Variants in GANC observed in about 807,000 individuals in gnomAD.
GANC encodes the protein glucosidase alpha, neutral C, also known as neutral alpha-glucosidase C.
GANC carries 117 observed loss-of-function variants against 124.2 expected under a neutral mutation model. The observed-to-expected ratio is 0.94, with a 90% CI of 0.81 to 1.10. The LOEUF (loss-of-function observed/expected upper bound fraction) is 1.10. GANC is among the 50% of genes least tolerant of loss of function. GANC has a pLI of 0.00. For missense variants in GANC, 1,140 were observed against 1,095.0 expected, an observed-to-expected ratio of 1.04 and a Z score of -0.58; for synonymous variants, 377 against 376.8, an observed-to-expected ratio of 1.00 and a Z score of -0.01.
At chr15:42,283,553 A>G (rs1157575200) in intron 3 of GANC, 7 of 669,980 alleles carry the variant, frequency 1.0e-5, no homozygotes, top group African/African-American at 3.6e-5. Context: ...ATTGCTAATT[A>G]TGATGCTTTC....
chr15:42,339,884 G>A lies in GANC; in HGVS notation c.2059G>A (p.Ala687Thr). ...LPYWYSLFYH[A>T]HVASQPVMRP... Reference sequence around the variant, plus strand: ...ATATTGGTATTCTCTGTTCTACCATGCACACGTGGCTTCCCAACCTGTCAT... The same window carrying A: ...ATATTGGTATTCTCTGTTCTACCATACACACGTGGCTTCCCAACCTGTCAT... Residue 687 changes from alanine (A) to threonine (T), a missense_variant, in exon 17 of 24, where the codon GCA becomes ACA. By Grantham distance (58) the Ala-to-Thr change is moderately conservative (BLOSUM62 0). Transcript: ENST00000318010. 1 of 1,614,012 alleles carries A rather than the reference G, an allele frequency of 6.2e-7. No homozygotes were observed. The highest frequency in any genetic ancestry group is 8.5e-7 in the Non-Finnish European group (1 of 1,179,924).
intron 6 of GANC, 83 bp from the exon 7 acceptor site, chr15:42,306,460 AAAT>A: frequency 9.3e-7 from 1 of 1,080,952 alleles, no homozygotes; most frequent in South Asian, 1.5e-5. Flanking sequence ...TCTTTTAAAA[AAAT>A]AATCCAAATA....
Position 42,287,591 on chromosome 15 carries a change from T to A in GANC, c.202-100T>A, listed in dbSNP as rs74417204. On this transcript the variant is annotated intron_variant, in intron 3 of 23. Coordinates refer to ENST00000318010, the MANE Select transcript of GANC (RefSeq NM_198141.3). ...ATTGTTCTCCAATTTGCTTGGCCTA[T>A]CATAATTGAAACAAATACTTTCCTA... 2.0e-3 allele frequency: 2,620 copies of A among 1,311,146 alleles called. 2 individuals carry two copies. Among genetic ancestry groups the A allele is most frequent in the Non-Finnish European group, 2.4e-3 (2,286 of 954,590 alleles). The allele number at this position is 1,311,146 out of a possible 1,614,324, so 81.2% of individuals were successfully genotyped here. A position where few individuals can be genotyped will look rare whatever the true frequency, so the allele number is the denominator to read the frequency against.
chr15:42,327,560 T>A, intron 13 of GANC, 118 bp downstream of exon 13: 1 of 857,414 alleles, frequency 1.2e-6, no homozygotes, highest in Non-Finnish European at 1.9e-6. Context: ...AATGCTTTTA[T>A]TAAAAGGCAA....
chr15:42,278,329 GATTAGCACTTT>G (rs1470524934), intron 2 of GANC, among the ~76,000 whole-genome samples, 142 bp from the exon 3 acceptor site: 1 of 152,092 alleles, frequency 6.6e-6, no homozygotes, highest in Non-Finnish European at 1.5e-5. Context: ...TAAAGTTCCT[GATTAGCACTTT>G]ATTATAGTAC....
chr15:42,282,333 T>A (rs561292858), intron 3 of GANC, among the ~76,000 whole-genome samples: 157 of 151,696 alleles, frequency 1.0e-3, no homozygotes, highest in African/African-American at 3.5e-3. Context: ...AAAAAAAAAA[T>A]TTTTAATAAC....
At chr15:42,342,272 A>G in intron 18 of GANC, among the ~76,000 whole-genome samples, 1 of 152,194 alleles carries the variant, frequency 6.6e-6, no homozygotes, top group East Asian at 1.9e-4. Context: ...AGCAAATTTA[A>G]TAATCCAGAT....
rs368580993 is a variant in GANC, at chr15:42,340,647, G to A, written c.2088-43G>A. On this transcript the variant is annotated intron_variant, in intron 17 of 23. Coordinates refer to ENST00000318010, the MANE Select transcript of GANC (RefSeq NM_198141.3). The stretch of plus-strand genomic sequence containing the variant: ...AAATATAAGTGATTGATTGCAATAA[G>A]ATGTCTATAATGTTAAAACAATAAT... The A allele has an allele frequency of 2.6e-4, 351 of 1,345,796 alleles. 1 individual carries two copies. The Middle Eastern group carries it at 2.7e-3, about 10-fold the overall frequency. The allele number at this position is 1,345,796 out of a possible 1,614,324, so 83.4% of individuals were successfully genotyped here.
rs992759602 is a variant in GANC, at chr15:42,273,618, T to A, written c.-864T>A. On this transcript the variant is annotated 5_prime_UTR_variant, in exon 1 of 24. Transcript: ENST00000318010. ...GTCATCCTGTTGGAACCTGGTCAGC[T>A]GGGTTAGAGAGATCGCTACATGCCA... 4 of 705,762 alleles carry A rather than the reference T, an allele frequency of 5.7e-6. No individual in the cohort carries two copies. In the Admixed American group the frequency reaches 9.0e-5, roughly 16 times the overall value. The allele number at this position is 705,762 out of a possible 1,614,324, so 43.7% of individuals were successfully genotyped here. A position where few individuals can be genotyped will look rare whatever the true frequency, so the allele number is the denominator to read the frequency against.
At chr15:42,334,247 C>T (rs2141068477) in intron 15 of GANC, among the ~76,000 whole-genome samples, 1 of 151,882 alleles carries the variant, frequency 6.6e-6, no homozygotes, top group South Asian at 2.1e-4. Context: ...CTGCAACCTC[C>T]ACCTCCCGGG....
intron 3 of GANC, chr15:42,284,099 T>C: frequency 1.5e-6 from 1 of 655,750 alleles, no homozygotes; most frequent in South Asian, 1.7e-5. Context: ...AACAGTTCTT[T>C]ACATAACAGT....
Position 42,329,304 on chromosome 15 carries a change from A to G in GANC, c.1501-2A>G. 6 of 1,611,578 alleles carry G rather than the reference A, an allele frequency of 3.7e-6. No individual in the cohort carries two copies. The highest frequency in any genetic ancestry group is 2.7e-5 in the African/African-American group (2 of 74,948). On this transcript the variant is annotated splice_acceptor_variant, in intron 13 of 23. Transcript: ENST00000318010. LOFTEE classifies it high-confidence loss of function. ...GTGTCATGACCAAGGTTTACTTCCTAGGGATCTACGGACATCCTCTTCCTT... is the reference window on the plus strand; with the variant it reads ...GTGTCATGACCAAGGTTTACTTCCTGGGGATCTACGGACATCCTCTTCCTT...
intron 15 of GANC, among the ~76,000 whole-genome samples, chr15:42,338,124 G>A (rs1401049396): frequency 6.6e-6 from 1 of 151,574 alleles, no homozygotes; most frequent in African/African-American, 2.4e-5. Context: ...TTTTTCAAAG[G>A]GTTCCTCTAT....
At chr15:42,340,004 A>G in intron 17 of GANC, 92 bp downstream of exon 17, 6 of 1,448,852 alleles carry the variant, frequency 4.1e-6, no homozygotes, top group Non-Finnish European at 9.3e-7. Context: ...CAGTGATTTC[A>G]AGAGAAAGGT....
chr15:42,320,403 T>C (rs1176789661), intron 10 of GANC, among the ~76,000 whole-genome samples: 1 of 152,138 alleles, frequency 6.6e-6, no homozygotes, highest in Admixed American at 6.5e-5. Context: ...TTGGAGATCC[T>C]TTTCTGTTTC....
chr15:42,352,271 T>G lies in GANC; in HGVS notation c.*132T>G. 1.4e-6 allele frequency: 2 copies of G among 1,470,046 alleles called. No individual in the cohort carries two copies. The highest frequency in any genetic ancestry group is 1.8e-6 in the Non-Finnish European group (2 of 1,110,374). The allele number at this position is 1,470,046 out of a possible 1,614,324, so 91.1% of individuals were successfully genotyped here. On this transcript the variant is annotated 3_prime_UTR_variant, in exon 24 of 24. Transcript: ENST00000318010. ...CAAAATAATCTTTCATTCGTCACCA[T>G]TATACTAATGAACAATAGATTTCAT...
At chr15:42,343,026 T>G in intron 18 of GANC, 52 bp from the exon 19 acceptor site, 1 of 1,487,582 alleles carries the variant, frequency 6.7e-7, no homozygotes, top group Non-Finnish European at 9.4e-7. Context: ...AGAAAGGAGA[T>G]TTTTAGACCT....
At chr15:42,325,938 TG>T (rs1188152801) in intron 11 of GANC, among the ~76,000 whole-genome samples, 1 of 152,084 alleles carries the variant, frequency 6.6e-6, no homozygotes, top group African/African-American at 2.4e-5. Flanking sequence ...TAAATTTTTT[TG>T]TAGAGACAGT....
intron 14 of GANC, 159 bp downstream of exon 14, chr15:42,329,608 CT>C: frequency 2.0e-6 from 1 of 505,464 alleles, no homozygotes; most frequent in Non-Finnish European, 3.2e-6. Flanking sequence ...CAATACAAGA[CT>C]TTTTATTATT....
Sources: allele counts gnomAD v4.1 joint callset (sites outside exome capture counted in the v4.1 genomes callset), GRCh38; gene constraint gnomAD v4.1.1; transcripts MANE v1.5; gene names NCBI Gene and HGNC (gene_info 2026-07-23, HGNC 2026-07-21).